Variants in TRANK1 observed in about 807,000 individuals in gnomAD.
TRANK1 encodes TPR and ankyrin repeat-containing protein 1.
A neutral mutation model predicts 266.0 loss-of-function variants in TRANK1; 198 were observed. The observed-to-expected ratio is 0.74, with a 90% CI of 0.66 to 0.84. The LOEUF (loss-of-function observed/expected upper bound fraction) is 0.84, where lower values mean the gene tolerates loss of function less well. TRANK1 is among the 40% of genes least tolerant of loss of function. TRANK1 has a pLI of 0.00. For synonymous variants in TRANK1, 1,396 were observed against 1,384.1 expected (o/e 1.01, Z -0.19); for missense variants, 3,326 against 3,634.6 (o/e 0.92, Z 2.18).
intron 4 of TRANK1, 64 bp from the exon 5 acceptor site, chr3:36,895,822 G>A: frequency 9.0e-7 from 1 of 1,105,796 alleles, no homozygotes; most frequent in Non-Finnish European, 1.3e-6. Context: ...TTTGGGAAAA[G>A]GTCCTCCAAT....
At chr3:36,901,101 G>GTT (rs55801006) in intron 3 of TRANK1, among the ~76,000 whole-genome samples, 6,018 of 136,818 alleles carry the variant, frequency 0.044, 173 homozygotes, top group Non-Finnish European at 0.067. Flanking sequence ...ATTCAAGGTT[G>GTT]TTTTTTTTTT....
In TRANK1 at chr3:36,889,976, A is replaced by G; in HGVS notation, c.776-16T>C. On this transcript the variant is annotated splice_polypyrimidine_tract_variant and intron_variant, in intron 7 of 23. Transcript: ENST00000645898. ...TGGTTTTCTCCTGAAGGGAATTAAA[A>G]TGACTTACTAATGTTTTCCACATAC... The G allele has an allele frequency of 1.3e-6, 2 of 1,535,752 alleles. No individual in the cohort carries two copies. Among genetic ancestry groups the G allele is most frequent in the Middle Eastern group, 1.7e-4 (1 of 5,978 alleles).
In TRANK1 at chr3:36,832,578, T is replaced by C; in HGVS notation, c.7005A>G (p.Gln2335=). ...GGTAGTTGGAAGAGAGAAGGAAAGC[T>C]TGCATGGCACTCAGCCACAGGTCTG... is the stretch of plus-strand genomic sequence containing the variant. The part of the protein sequence containing the change: ...ESTDLWLSAM[Q]AFLLSSNYPE... The change falls in exon 22 of 24, where the codon CAA becomes CAG. Residue 2335 remains glutamine (Q), a synonymous_variant. Coordinates refer to ENST00000645898, the MANE Select transcript of TRANK1 (RefSeq NM_001329998.2). 1 of 1,614,028 alleles carries C rather than the reference T, an allele frequency of 6.2e-7. No homozygotes were observed. The highest frequency in any genetic ancestry group is 8.5e-7 in the Non-Finnish European group (1 of 1,179,902).
intron 15 of TRANK1, among the ~76,000 whole-genome samples, chr3:36,849,230 T>C (rs1230690873): frequency 6.6e-6 from 1 of 152,150 alleles, no homozygotes; most frequent in South Asian, 2.1e-4. Context: ...CCCACCGCCA[T>C]GAGTATGAAA....
chr3:36,938,786 T>C (rs1414227451), intron 1 of TRANK1, among the ~76,000 whole-genome samples: 5 of 151,934 alleles, frequency 3.3e-5, no homozygotes, highest in Non-Finnish European at 7.4e-5. Context: ...TGGTGAAATC[T>C]GATTTCTACC....
At chr3:36,921,667 G>A (rs1372638908) in intron 1 of TRANK1, among the ~76,000 whole-genome samples, 1 of 152,142 alleles carries the variant, frequency 6.6e-6, no homozygotes, top group African/African-American at 2.4e-5. Flanking sequence ...AAGCCCCCAA[G>A]TAGACTTCTC....
At position 36,892,969 on chromosome 3, in the gene TRANK1, A is replaced by G; in HGVS notation, c.568T>C (p.Ser190Pro). The G allele has an allele frequency of 6.6e-7, 1 of 1,511,092 alleles. No homozygotes were observed. 93.6% of individuals were successfully genotyped at this position (1,511,092 alleles called of 1,614,324 possible). Residue 190 changes from serine (S) to proline (P), a missense_variant, in exon 6 of 24, where the codon TCA becomes CCA. Coordinates refer to ENST00000645898, the MANE Select transcript of TRANK1 (RefSeq NM_001329998.2). ...KGLWHSFLLL[S>P]AKKDRLPRNI... ...CTTGGTAATCGGTCTTTTTTTGCTG[A>G]CAGAAGCAGAAATGACTGGTGGGAG...
Position 36,857,013 on chromosome 3 carries a change from G to A in TRANK1, c.2709C>T (p.Leu903=), listed in dbSNP as rs766092443. The A allele has an allele frequency of 9.3e-6, 15 of 1,613,782 alleles. No homozygotes were observed. Among genetic ancestry groups the A allele is most frequent in the East Asian group, 2.2e-5 (1 of 44,880 alleles). ...TGCATCGAGGGGAGAAGTCAATGGC[G>A]AGCTCCCAGAGCATCCGGGCTCCTT... is the stretch of plus-strand genomic sequence containing the variant. ...LDKGARMLWE[L]AIDFSPRCSE... is the part of the protein sequence containing the mutation. Residue 903 remains leucine, a synonymous_variant, in exon 13 of 24, where the codon CTC becomes CTT. Transcript: ENST00000645898. The surrounding 1 kb of genome is among the most constrained non-coding windows in gnomAD (Gnocchi z 4.3).
chr3:36,903,001 T>A, intron 3 of TRANK1, 148 bp downstream of exon 3: 1 of 1,048,552 alleles, frequency 9.5e-7, no homozygotes, highest in Non-Finnish European at 1.3e-6. Context: ...TTAAAAGGAA[T>A]GGAAAGAGGC....
intron 5 of TRANK1, among the ~76,000 whole-genome samples, chr3:36,894,451 G>A (rs1473017521): frequency 1.3e-5 from 2 of 152,156 alleles, no homozygotes; most frequent in African/African-American, 4.8e-5. Flanking sequence ...CTTATCCCAG[G>A]AGAAAATATC....
chr3:36,838,443 G>T lies in TRANK1; in HGVS notation c.5446C>A (p.Leu1816Met), dbSNP rs774704685. The T allele has an allele frequency of 6.2e-7, 1 of 1,614,080 alleles. No individual in the cohort carries two copies. Among genetic ancestry groups the T allele is most frequent in the South Asian group, 1.1e-5 (1 of 91,088 alleles). Reference protein sequence around the residue: ...KTYLECKEPTLSLKCLSYAKE... With the variant: ...KTYLECKEPTMSLKCLSYAKE... ...GCATAGCTCAGACACTTAAGGGACAGTGTTGGCTCTTTGCACTCCAAATAG... is the reference window on the plus strand; with the variant it reads ...GCATAGCTCAGACACTTAAGGGACATTGTTGGCTCTTTGCACTCCAAATAG... The change falls in exon 20 of 24, where the codon CTG becomes ATG. Residue 1816 changes from leucine (L) to methionine (M), a missense_variant. Transcript: ENST00000645898.
intron 6 of TRANK1, among the ~76,000 whole-genome samples, 178 bp downstream of exon 6, chr3:36,892,723 G>A (rs1430441830): frequency 3.3e-5 from 5 of 151,864 alleles, no homozygotes; most frequent in African/African-American, 9.7e-5. Context: ...CCAGCTATTC[G>A]GGAGGCTGAG....
At position 36,892,918 on chromosome 3, in the gene TRANK1, G is replaced by A; in HGVS notation, c.619C>T (p.Leu207=). 6.7e-7 allele frequency: 1 copy of A among 1,489,328 alleles called. No individual in the cohort carries two copies. The allele number at this position is 1,489,328 out of a possible 1,614,324, so 92.3% of individuals were successfully genotyped here. A position where few individuals can be genotyped will look rare whatever the true frequency, so the allele number is the denominator to read the frequency against. Residue 207 remains leucine (L), a synonymous_variant, in exon 6 of 24, where the codon CTG becomes TTG. Coordinates refer to ENST00000645898, the MANE Select transcript of TRANK1 (RefSeq NM_001329998.2). ...PRNIHVPELS[L]KSLFEKYVFI... is the part of the protein sequence containing the mutation. ...CACCTTACCTCAAAGAGACTTTTCA[G>A]TGATAACTCTGGGACATGAATATTT...
At chr3:36,866,046 G>GAA (rs1553622396) in intron 9 of TRANK1, among the ~76,000 whole-genome samples, 203 of 117,634 alleles carry the variant, frequency 1.7e-3, no homozygotes, top group African/African-American at 5.1e-3. Flanking sequence ...GAGACAGACA[G>GAA]AAAGAAAAAG....
chr3:36,901,522 T>C (rs1242584830), intron 3 of TRANK1, among the ~76,000 whole-genome samples: 1 of 152,194 alleles, frequency 6.6e-6, no homozygotes, highest in African/African-American at 2.4e-5. Context: ...CTCAGGCCTG[T>C]CCACATTTTT....
rs1363747239 is a variant in TRANK1 at position 36,857,538 on chromosome 3, C to T, written c.2184G>A (p.Leu728=). The T allele has an allele frequency of 6.2e-7, 1 of 1,614,066 alleles. No homozygotes were observed. Among genetic ancestry groups the T allele is most frequent in the East Asian group, 2.2e-5 (1 of 44,886 alleles). Residue 728 remains leucine, a synonymous_variant, in exon 13 of 24, where the codon CTG becomes CTA. Transcript: ENST00000645898. The surrounding 1 kb of genome is among the most constrained non-coding windows in gnomAD (Gnocchi z 4.3). ...TGATGTCCTGCATAAGGCAGTCTCTCAGCGAGCAGGGCCTGAGAGCTCCAG... is the reference window on the plus strand; with the variant it reads ...TGATGTCCTGCATAAGGCAGTCTCTTAGCGAGCAGGGCCTGAGAGCTCCAG... ...KEPGALRPCS[L]RDCLMQDITV...
At chr3:36,848,872 G>A (rs1043311941) in intron 15 of TRANK1, among the ~76,000 whole-genome samples, 1 of 152,168 alleles carries the variant, frequency 6.6e-6, no homozygotes, top group Non-Finnish European at 1.5e-5. Flanking sequence ...ATACGGACTG[G>A]CTAATATTGA....
intron 1 of TRANK1, among the ~76,000 whole-genome samples, chr3:36,940,584 T>C (rs2080484058): frequency 6.6e-6 from 1 of 151,756 alleles, no homozygotes; most frequent in African/African-American, 2.4e-5. Flanking sequence ...CTAGAAGTGC[T>C]CTCCACCTGT....
At chr3:36,853,425 A>C (rs1391713537) in intron 13 of TRANK1, among the ~76,000 whole-genome samples, 1 of 152,256 alleles carries the variant, frequency 6.6e-6, no homozygotes, top group Non-Finnish European at 1.5e-5. Flanking sequence ...AAATGTGACT[A>C]TCCAATACTG....
Sources: gnomAD v4.1 joint callset for allele counts (sites outside exome capture counted in the v4.1 genomes callset) on GRCh38, gnomAD v4.1.1 for gene constraint, Gnocchi (gnomAD v3.1) non-coding constraint, MANE v1.5 for transcripts, NCBI Gene and HGNC (gene_info 2026-07-23, HGNC 2026-07-21) for gene names.